FANCC: variants seen among roughly 807,000 people sequenced by gnomAD.
The protein encoded by FANCC is Fanconi anemia group C protein.
Under a neutral mutation model 71.3 loss-of-function variants are expected in FANCC, and 55 were observed. The observed-to-expected ratio is 0.77, with a 90% CI of 0.62 to 0.97. The LOEUF (loss-of-function observed/expected upper bound fraction) is 0.97, where lower values mean the gene tolerates loss of function less well. Among genes scored for constraint, FANCC ranks in the 50% least tolerant of loss-of-function variants. The pLI is 0.00. For missense variants in FANCC, 678 were observed against 670.9 expected (o/e 1.01, Z -0.12); for synonymous variants, 275 against 244.9 (o/e 1.12, Z -1.15).
intron 1 of FANCC, chr9:95,292,769 AT>A: frequency 6.7e-7 from 1 of 1,490,094 alleles, no homozygotes; most frequent in Non-Finnish European, 9.4e-7. Flanking sequence ...CTGACAGACC[AT>A]TTTCTCAGTT....
At chr9:95,249,863 C>T (rs946319169) in intron 1 of FANCC, among the ~76,000 whole-genome samples, 9 of 151,996 alleles carry the variant, frequency 5.9e-5, no homozygotes, top group Non-Finnish European at 2.9e-5. Context: ...AATTTTTTTC[C>T]CAGTTTCTCT....
chr9:95,272,176 G>C (rs1832778929), intron 1 of FANCC, among the ~76,000 whole-genome samples: 1 of 151,608 alleles, frequency 6.6e-6, no homozygotes, highest in South Asian at 2.1e-4. Context: ...CTGACCTCGT[G>C]ATTCGCCTGC....
intron 1 of FANCC, chr9:95,317,081 G>C (rs1356097364): frequency 1.3e-5 from 2 of 152,490 alleles, no homozygotes; most frequent in East Asian, 3.8e-4. Flanking sequence ...CCGGCTCAAA[G>C]GGGCGAGCTT....
chr9:95,197,568 A>ACTG (rs2135781880), intron 4 of FANCC, among the ~76,000 whole-genome samples: 1 of 152,200 alleles, frequency 6.6e-6, no homozygotes, highest in South Asian at 2.1e-4. Flanking sequence ...TAATAAAGGA[A>ACTG]CTGTATGGTA....
chr9:95,132,001 C>T (rs1826984314), intron 8 of FANCC, among the ~76,000 whole-genome samples: 1 of 152,102 alleles, frequency 6.6e-6, no homozygotes, highest in East Asian at 1.9e-4. Context: ...TTGAATTAAG[C>T]CATAAAGATT....
intron 4 of FANCC, among the ~76,000 whole-genome samples, chr9:95,191,016 T>G (rs924523506): frequency 6.6e-6 from 1 of 152,174 alleles, no homozygotes; most frequent in Non-Finnish European, 1.5e-5. Flanking sequence ...CCCGGGATTT[T>G]GGATGCCATT....
chr9:95,300,761 T>G (rs1389412823), intron 1 of FANCC, among the ~76,000 whole-genome samples: 3 of 152,116 alleles, frequency 2.0e-5, no homozygotes, highest in Admixed American at 2.0e-4. Flanking sequence ...ACACCAAATA[T>G]TACTGCTGAC....
At chr9:95,147,388 T>C (rs1034476782) in intron 7 of FANCC, among the ~76,000 whole-genome samples, 1 of 152,138 alleles carries the variant, frequency 6.6e-6, no homozygotes. Context: ...TGATGGTGCA[T>C]GCCTGTAATC....
chr9:95,229,488 A>C (rs1829856219), intron 4 of FANCC, among the ~76,000 whole-genome samples: 1 of 151,978 alleles, frequency 6.6e-6, no homozygotes, highest in South Asian at 2.1e-4. Flanking sequence ...GATAGACTTG[A>C]GGTGAGATGG....
At chr9:95,272,794 T>C (rs1832816399) in intron 1 of FANCC, among the ~76,000 whole-genome samples, 1 of 152,214 alleles carries the variant, frequency 6.6e-6, no homozygotes, top group African/African-American at 2.4e-5. Flanking sequence ...ATTAACATCA[T>C]TAAGTGAGGG....
At chr9:95,271,927 C>CTTCTTTTTTTTTTTTTTTTTT in intron 1 of FANCC, among the ~76,000 whole-genome samples, 1 of 50,480 alleles carries the variant, frequency 2.0e-5, no homozygotes, top group Non-Finnish European at 3.6e-5. Flanking sequence ...CAAGCCTCTT[C>CTTCTTTTTTTTTTTTTTTTTT]TTTTTTTTTT....
chr9:95,157,864 T>C (rs1166413997), intron 6 of FANCC, among the ~76,000 whole-genome samples: 1 of 152,174 alleles, frequency 6.6e-6, no homozygotes, highest in Non-Finnish European at 1.5e-5. Flanking sequence ...CCTGGATCAT[T>C]TCCAGCCTAA....
intron 4 of FANCC, among the ~76,000 whole-genome samples, chr9:95,204,958 T>C (rs1564750431): frequency 6.6e-6 from 1 of 152,186 alleles, no homozygotes; most frequent in Admixed American, 6.5e-5. Flanking sequence ...ATTTTTGTCT[T>C]AAATTAAGCT....
intron 6 of FANCC, among the ~76,000 whole-genome samples, chr9:95,164,169 A>G (rs1024121374): frequency 2.0e-5 from 3 of 152,164 alleles, no homozygotes; most frequent in African/African-American, 4.8e-5. Context: ...TTTTGTGTGA[A>G]ATCTTTTAGG....
At chr9:95,173,713 C>T (rs370184438) in intron 4 of FANCC, among the ~76,000 whole-genome samples, 5 of 152,006 alleles carry the variant, frequency 3.3e-5, no homozygotes, top group Admixed American at 2.6e-4. Context: ...CCCAGGAGTT[C>T]GAGACTAGCC....
intron 4 of FANCC, among the ~76,000 whole-genome samples, chr9:95,182,220 A>AC (rs1210738978): frequency 7.2e-6 from 1 of 139,670 alleles, no homozygotes; most frequent in Non-Finnish European, 1.5e-5. Context: ...CAAAATATAC[A>AC]AAAAAAAAAA....
chr9:95,229,055 T>C (rs575037179), intron 4 of FANCC, among the ~76,000 whole-genome samples: 2 of 152,178 alleles, frequency 1.3e-5, no homozygotes, highest in Admixed American at 1.3e-4. Context: ...CCCAACACTT[T>C]GGAAGGCCAA....
chr9:95,126,495 C>A (rs969533405), intron 9 of FANCC, 34 bp downstream of exon 9: 9 of 1,597,572 alleles, frequency 5.6e-6, no homozygotes, highest in African/African-American at 1.3e-5. Flanking sequence ...ACCTTTTTTA[C>A]ATCAATTACT....
At position 95,270,832 on chromosome 9, in the gene FANCC, A is replaced by G. The variant is rs576810060; in HGVS notation, c.-78-21463T>C. ...GACTAATATAAAATGCCACAATGTT[A>G]GAATACACTAACAGGGGTCTAGCAA... On this transcript the variant is annotated intron_variant, in intron 1 of 14. Coordinates refer to ENST00000289081, the MANE Select transcript of FANCC (RefSeq NM_000136.3). Among the ~76,000 whole-genome samples the G allele has an allele frequency of 3.3e-5, 5 of 152,388 alleles. 1 individual carries two copies. The highest frequency in any genetic ancestry group is 1.2e-4 in the African/African-American group (5 of 41,592).
Sources: allele counts gnomAD v4.1 joint callset (sites outside exome capture counted in the v4.1 genomes callset), GRCh38; gene constraint gnomAD v4.1.1; transcripts MANE v1.5; gene names NCBI Gene and HGNC (gene_info 2026-07-23, HGNC 2026-07-21).